Variants in CTNNA3 observed in about 807,000 individuals in gnomAD.
CTNNA3 encodes catenin alpha-3.
A neutral mutation model predicts 95.7 loss-of-function variants in CTNNA3; 76 were observed. The observed-to-expected ratio is 0.79, with a 90% CI of 0.66 to 0.96. The LOEUF is 0.96. CTNNA3 is among the 40% of genes least tolerant of loss of function. The pLI, the probability that CTNNA3 is intolerant of heterozygous loss-of-function variation, is 0.00. For missense variants in CTNNA3, 1,191 were observed against 1,089.8 expected, an observed-to-expected ratio of 1.09 and a Z score of -1.31; for synonymous variants, 431 against 374.4, an observed-to-expected ratio of 1.15 and a Z score of -1.74.
chr10:66,430,739 T>C (rs1275395344), intron 11 of CTNNA3, among the ~76,000 whole-genome samples: 4 of 152,190 alleles, frequency 2.6e-5, no homozygotes, highest in East Asian at 3.8e-4. Context: ...TTACACCTTA[T>C]ACAAAATTTA....
At chr10:67,704,917 A>G (rs1841068518) in intron 1 of CTNNA3, among the ~76,000 whole-genome samples, 1 of 152,314 alleles carries the variant, frequency 6.6e-6, no homozygotes, top group South Asian at 2.1e-4. Context: ...CAATGAACTC[A>G]AACAAATTTA....
At chr10:67,413,330 TA>T (rs1845438844) in intron 5 of CTNNA3, among the ~76,000 whole-genome samples, 1 of 151,982 alleles carries the variant, frequency 6.6e-6, no homozygotes, top group Non-Finnish European at 1.5e-5. Flanking sequence ...TTTAAACACA[TA>T]AAAATGAAGG....
intron 12 of CTNNA3, among the ~76,000 whole-genome samples, chr10:66,305,159 A>C (rs1477073543): frequency 6.6e-6 from 1 of 152,118 alleles, no homozygotes; most frequent in Non-Finnish European, 1.5e-5. Context: ...TCTCTTCTGA[A>C]ATGCAACATA....
At chr10:66,519,335 G>A (rs959499740) in intron 11 of CTNNA3, among the ~76,000 whole-genome samples, 3 of 151,906 alleles carry the variant, frequency 2.0e-5, no homozygotes, top group Non-Finnish European at 4.4e-5. Flanking sequence ...AACCTTGTCT[G>A]TTGTAGTTAG....
chr10:67,686,172 A>G (rs1305617389), intron 1 of CTNNA3, among the ~76,000 whole-genome samples: 1 of 152,216 alleles, frequency 6.6e-6, no homozygotes, highest in Non-Finnish European at 1.5e-5. Context: ...CATACTTGCT[A>G]TCTGTATACA....
intron 17 of CTNNA3, among the ~76,000 whole-genome samples, chr10:65,936,150 A>G (rs2077333834): frequency 6.6e-6 from 1 of 152,162 alleles, no homozygotes; most frequent in South Asian, 2.1e-4. Flanking sequence ...GGAGTTTACA[A>G]TTGGACTTAG....
At chr10:66,894,797 G>A (rs1318848869) in intron 7 of CTNNA3, among the ~76,000 whole-genome samples, 1 of 151,704 alleles carries the variant, frequency 6.6e-6, no homozygotes, top group East Asian at 1.9e-4. Context: ...TGCAGTTTGG[G>A]CTTTATTTAT....
chr10:66,499,965 G>T (rs1840224217), intron 11 of CTNNA3, among the ~76,000 whole-genome samples: 1 of 151,876 alleles, frequency 6.6e-6, no homozygotes. Context: ...ACCATGCCTG[G>T]CTCATTTTTG....
intron 11 of CTNNA3, among the ~76,000 whole-genome samples, chr10:66,422,507 T>A (rs1355896138): frequency 6.6e-6 from 1 of 151,832 alleles, no homozygotes; most frequent in Non-Finnish European, 1.5e-5. Flanking sequence ...TCATTGATGA[T>A]CTTTTTGTTT....
intron 1 of CTNNA3, among the ~76,000 whole-genome samples, chr10:67,707,546 T>TA (rs1379813599): frequency 6.6e-6 from 1 of 152,176 alleles, no homozygotes; most frequent in Non-Finnish European, 1.5e-5. Context: ...TACTATTTTT[T>TA]ATCTCACTGT....
intron 7 of CTNNA3, among the ~76,000 whole-genome samples, chr10:67,022,348 T>C (rs1023714614): frequency 1.3e-5 from 2 of 152,130 alleles, no homozygotes; most frequent in African/African-American, 4.8e-5. Flanking sequence ...TGTGTGTGTG[T>C]CTGTGTGTGT....
At chr10:67,253,502 T>C (rs1013871382) in intron 5 of CTNNA3, among the ~76,000 whole-genome samples, 1 of 152,182 alleles carries the variant, frequency 6.6e-6, no homozygotes, top group African/African-American at 2.4e-5. Context: ...GGTTAATCTA[T>C]AGTTCAAAGA....
At chr10:66,233,986 T>G (rs72797265) in intron 13 of CTNNA3, among the ~76,000 whole-genome samples, 17,525 of 152,210 alleles carry the variant, frequency 0.12, 1,082 homozygotes, top group Middle Eastern at 0.18. Flanking sequence ...AAAATAAACC[T>G]GTTGTAAAAA....
chr10:67,504,451 A>AAAAAAAAAAAAAC (rs1564699349), intron 5 of CTNNA3, among the ~76,000 whole-genome samples: 3 of 143,580 alleles, frequency 2.1e-5, no homozygotes, highest in Non-Finnish European at 3.1e-5. Flanking sequence ...AAAAAAAAAA[A>AAAAAAAAAAAAAC]AAAAAAAAAC....
chr10:66,131,701 C>T (rs1291813319), intron 13 of CTNNA3, among the ~76,000 whole-genome samples: 5 of 152,082 alleles, frequency 3.3e-5, no homozygotes, highest in Non-Finnish European at 5.9e-5. Context: ...CAAAAACAGA[C>T]ACACAGACCA....
intron 11 of CTNNA3, among the ~76,000 whole-genome samples, chr10:66,475,556 A>G (rs1839293163): frequency 6.6e-6 from 1 of 152,114 alleles, no homozygotes; most frequent in East Asian, 1.9e-4. Flanking sequence ...AGCAAAGGAC[A>G]TGAACAGATA....
At chr10:67,155,542 TG>T in intron 7 of CTNNA3, among the ~76,000 whole-genome samples, 2 of 152,118 alleles carry the variant, frequency 1.3e-5, no homozygotes, top group South Asian at 4.1e-4. Flanking sequence ...TGTGTGTGTG[TG>T]TGTGTGTTGT....
intron 7 of CTNNA3, among the ~76,000 whole-genome samples, chr10:66,822,799 G>A (rs908528024): frequency 1.8e-4 from 28 of 152,172 alleles, no homozygotes; most frequent in African/African-American, 6.8e-4. Context: ...GACCTGCCAG[G>A]AATGAAACTG....
At chr10:67,427,764 G>C (rs945316946) in intron 5 of CTNNA3, among the ~76,000 whole-genome samples, 2 of 152,154 alleles carry the variant, frequency 1.3e-5, no homozygotes, top group African/African-American at 2.4e-5. Flanking sequence ...TCCCAGCTGA[G>C]CTTTGACACC....
Sources: gnomAD v4.1 joint callset for allele counts (sites outside exome capture counted in the v4.1 genomes callset) on GRCh38, gnomAD v4.1.1 for gene constraint, MANE v1.5 for transcripts, NCBI Gene and HGNC (gene_info 2026-07-23, HGNC 2026-07-21) for gene names.